TMEM51: variants seen among roughly 807,000 people sequenced by gnomAD.
TMEM51 encodes chromosome 1 open reading frame 72.
Under a neutral mutation model 13.6 loss-of-function variants are expected in TMEM51, and 8 were observed. The ratio of observed to expected loss-of-function variants is 0.59; its 90% CI spans 0.35 to 1.07. TMEM51 has a LOEUF of 1.07. TMEM51 is among the 50% of genes least tolerant of loss of function. The pLI is 0.02. For synonymous variants in TMEM51, 147 were observed against 144.4 expected (o/e 1.02, Z -0.13); for missense variants, 279 against 330.7 (o/e 0.84, Z 1.21).
intron 1 of TMEM51, chr1:15,192,634 A>G (rs1248455178): frequency 1.2e-5 from 2 of 170,512 alleles, no homozygotes; most frequent in African/African-American, 4.8e-5. Context: ...TTGTATTTTT[A>G]GTAGAGACAG....
upstream of TMEM51, among the ~76,000 whole-genome samples, chr1:15,153,249 C>T (rs1642457591): frequency 6.6e-6 from 1 of 152,204 alleles, no homozygotes; most frequent in Non-Finnish European, 1.5e-5. Flanking sequence ...GTGAGTATCC[C>T]GCCAGGTAAA....
intron 1 of TMEM51, among the ~76,000 whole-genome samples, chr1:15,175,680 C>A (rs774389860): frequency 1.3e-5 from 2 of 152,196 alleles, no homozygotes; most frequent in Non-Finnish European, 2.9e-5. Context: ...AAAGTCATGT[C>A]TTACATGGTG....
intron 1 of TMEM51, chr1:15,168,674 G>C (rs1356706148): frequency 1.5e-5 from 20 of 1,304,242 alleles, no homozygotes; most frequent in Non-Finnish European, 1.8e-5. Flanking sequence ...GAAGTCTGTT[G>C]GTAGCTTAGA....
chr1:15,200,313 C>G (rs1201372519), intron 1 of TMEM51, among the ~76,000 whole-genome samples: 1 of 142,976 alleles, frequency 7.0e-6, no homozygotes, highest in East Asian at 2.1e-4. Flanking sequence ...AAGGCTAAGG[C>G]AGAAGGATTG....
chr1:15,179,216 G>A (rs1230149043), intron 1 of TMEM51, among the ~76,000 whole-genome samples: 2 of 152,050 alleles, frequency 1.3e-5, no homozygotes, highest in African/African-American at 2.4e-5. Context: ...TGCACTTCTG[G>A]GTATTTATAG....
At chr1:15,189,760 C>T (rs536765428) in intron 1 of TMEM51, among the ~76,000 whole-genome samples, 15 of 152,324 alleles carry the variant, frequency 9.8e-5, no homozygotes, top group Admixed American at 8.5e-4. Flanking sequence ...AAATGTCCAG[C>T]TCAGTGGCTG....
chr1:15,200,407 CAAAA>C (rs55755539), intron 1 of TMEM51, among the ~76,000 whole-genome samples: 1,262 of 67,922 alleles, frequency 0.019, 21 homozygotes, highest in African/African-American at 0.064. Flanking sequence ...GACTCTGTCT[CAAAA>C]AAAAAAAAAA....
At chr1:15,211,393 G>A (rs1644336100) in intron 2 of TMEM51, among the ~76,000 whole-genome samples, 1 of 151,910 alleles carries the variant, frequency 6.6e-6, no homozygotes, top group Non-Finnish European at 1.5e-5. Context: ...GCTCCTTGTG[G>A]GTGATCTTAC....
At chr1:15,172,444 T>C (rs937044966) in intron 1 of TMEM51, among the ~76,000 whole-genome samples, 1 of 81,868 alleles carries the variant, frequency 1.2e-5, no homozygotes, top group African/African-American at 4.8e-5. Flanking sequence ...AAGAAAAGAA[T>C]GGAAAGGAAG....
chr1:15,218,620 T>C (rs2100368516), intron 3 of TMEM51, among the ~76,000 whole-genome samples: 1 of 152,114 alleles, frequency 6.6e-6, no homozygotes, highest in Non-Finnish European at 1.5e-5. Flanking sequence ...CAGGATGTGG[T>C]CCAGATGAGA....
chr1:15,183,007 C>T (rs1324047848), intron 1 of TMEM51, among the ~76,000 whole-genome samples: 1 of 152,204 alleles, frequency 6.6e-6, no homozygotes, highest in Non-Finnish European at 1.5e-5. Context: ...AAGTGATCCT[C>T]CCGCCTCAAC....
chr1:15,176,328 T>G (rs1643455234), intron 1 of TMEM51, among the ~76,000 whole-genome samples: 1 of 152,144 alleles, frequency 6.6e-6, no homozygotes, highest in Admixed American at 6.5e-5. Flanking sequence ...TGTTAAACTT[T>G]AGTTAGAGAG....
chr1:15,184,819 G>A (rs868450016), intron 1 of TMEM51, among the ~76,000 whole-genome samples: 6 of 147,318 alleles, frequency 4.1e-5, no homozygotes, highest in East Asian at 2.0e-4. Flanking sequence ...TCTTGCCCTC[G>A]CGTGGGACAT....
At chr1:15,205,368 T>C (rs531953656) in intron 1 of TMEM51, among the ~76,000 whole-genome samples, 17 of 152,162 alleles carry the variant, frequency 1.1e-4, no homozygotes, top group Non-Finnish European at 2.1e-4. Context: ...TTCTGGAAGA[T>C]GCCCACTTTC....
At chr1:15,191,164 A>T (rs1041537561) in intron 1 of TMEM51, among the ~76,000 whole-genome samples, 2 of 152,178 alleles carry the variant, frequency 1.3e-5, no homozygotes, top group African/African-American at 4.8e-5. Flanking sequence ...CAGAAGCTGG[A>T]TGCATATGCT....
chr1:15,171,292 T>C (rs780124156), intron 1 of TMEM51: 2 of 1,304,030 alleles, frequency 1.5e-6, no homozygotes, highest in African/African-American at 1.5e-5. Flanking sequence ...TCCAGGTCAA[T>C]GAGAGAAGCC....
intron 1 of TMEM51, among the ~76,000 whole-genome samples, chr1:15,189,856 G>C (rs1251362155): frequency 6.6e-6 from 1 of 152,250 alleles, no homozygotes; most frequent in Non-Finnish European, 1.5e-5. Flanking sequence ...AAGGCCTCAG[G>C]CAGCCCCGTG....
intron 1 of TMEM51, among the ~76,000 whole-genome samples, chr1:15,185,163 G>A (rs1643737386): frequency 6.6e-6 from 1 of 152,116 alleles, no homozygotes; most frequent in African/African-American, 2.4e-5. Flanking sequence ...TAATGCTTGG[G>A]AAATGCTCAA....
chr1:15,195,614 T>C (rs1220808356), intron 1 of TMEM51, among the ~76,000 whole-genome samples: 1 of 152,198 alleles, frequency 6.6e-6, no homozygotes. Context: ...CTGAGTCTCT[T>C]GACTCATCGA....
Sources: allele counts gnomAD v4.1 joint callset (sites outside exome capture counted in the v4.1 genomes callset), GRCh38; gene constraint gnomAD v4.1.1; transcripts MANE v1.5; gene names NCBI Gene and HGNC (gene_info 2026-07-23, HGNC 2026-07-21).